The following MACO1 variants were observed in gnomAD, a reference collection of about 807,000 sequenced individuals.
MACO1 encodes macoilin.
A neutral mutation model predicts 78.7 loss-of-function variants in MACO1; 14 were observed. The ratio of observed to expected loss-of-function variants is 0.18; its 90% CI spans 0.12 to 0.28. MACO1 has a LOEUF of 0.28. MACO1 is among the 10% of genes least tolerant of loss of function. The pLI is 1.00. For synonymous variants in MACO1, 288 were observed against 291.6 expected (o/e 0.99, Z 0.12); for missense variants, 501 against 799.0 (o/e 0.63, Z 4.50).
intron 6 of MACO1, among the ~76,000 whole-genome samples, chr1:25,472,669 CG>C (rs1008974140): frequency 6.6e-6 from 1 of 152,102 alleles, no homozygotes; most frequent in Non-Finnish European, 1.5e-5. Context: ...GAGTAGTTTG[CG>C]GAAGAAAATC....
rs368507165 is a variant in MACO1, at chr1:25,445,226, T to C, written c.81-1536T>C. Among the ~76,000 whole-genome samples, 38 of 150,088 alleles carry C rather than the reference T, an allele frequency of 2.5e-4. No homozygotes were observed. The East Asian group carries it at 7.1e-3, about 28-fold the overall frequency. ...AGGTAGAAGGATCACTTGAGCCCAGTAGATTGAGGCTGCTGTGAGCTATGA... is the reference window on the plus strand; with the variant it reads ...AGGTAGAAGGATCACTTGAGCCCAGCAGATTGAGGCTGCTGTGAGCTATGA... On this transcript the variant is annotated intron_variant, in intron 1 of 10. Coordinates refer to ENST00000374343, the MANE Select transcript of MACO1 (RefSeq NM_018202.6).
intron 1 of MACO1, among the ~76,000 whole-genome samples, chr1:25,436,812 T>C (rs1207762290): frequency 1.3e-5 from 2 of 152,256 alleles, no homozygotes; most frequent in South Asian, 2.1e-4. Flanking sequence ...CCCTGGCCTT[T>C]GAAGACAGTC....
intron 4 of MACO1, among the ~76,000 whole-genome samples, chr1:25,454,842 A>C (rs919744721): frequency 1.3e-5 from 2 of 152,130 alleles, no homozygotes; most frequent in Admixed American, 6.6e-5. Flanking sequence ...GTTCAACTGT[A>C]AATTTATTCT....
At chr1:25,440,290 T>C (rs1326440659) in intron 1 of MACO1, among the ~76,000 whole-genome samples, 1 of 149,302 alleles carries the variant, frequency 6.7e-6, no homozygotes, top group Non-Finnish European at 1.5e-5. Flanking sequence ...TCCTAATTAC[T>C]CTGGAGGCTG....
Position 25,464,665 on chromosome 1 carries a change from C to G in MACO1, c.1154+5773C>G, listed in dbSNP as rs929241131. On this transcript the variant is annotated intron_variant, in intron 6 of 10. Coordinates refer to ENST00000374343, the MANE Select transcript of MACO1 (RefSeq NM_018202.6). ...CGTCTATAATTTCTTCCCCCACCCC[C>G]CCCCTCCGCGAAATGGAATCTTGCT... 1.2e-4 allele frequency among the ~76,000 whole-genome samples: 12 copies of G among 99,570 alleles called. 1 individual carries two copies. The highest frequency in any genetic ancestry group is 3.2e-4 in the Admixed American group (3 of 9,480). 65.3% of individuals were successfully genotyped at this position (99,570 alleles called of 152,430 possible).
intron 10 of MACO1, among the ~76,000 whole-genome samples, chr1:25,494,951 G>T (rs1041573796): frequency 4.6e-5 from 7 of 152,196 alleles, no homozygotes; most frequent in Non-Finnish European, 8.8e-5. Context: ...TTAGTGAAGC[G>T]CAGGAGTGGC....
chr1:25,491,416 C>G lies in MACO1; in HGVS notation c.1624C>G (p.Arg542Gly), dbSNP rs759726969. The G allele has an allele frequency of 3.1e-6, 5 of 1,614,080 alleles. No homozygotes were observed. Among genetic ancestry groups the G allele is most frequent in the Non-Finnish European group, 4.2e-6 (5 of 1,180,000 alleles). The change falls in exon 10 of 11, where the codon CGG (arginine) becomes GGG (glycine). Residue 542 changes from arginine to glycine, a missense_variant. By Grantham distance (125) the Arg-to-Gly change is moderately radical. This residue lies in a region of MACO1 where 163 missense variants were observed against 271.9 expected (regional missense o/e 0.60). Transcript: ENST00000374343. ...RELELKVQEL[R>G]KYKENEKDTE... The stretch of plus-strand genomic sequence containing the variant: ...GTTTTGATGATATTGATAGGAGCTT[C>G]GGAAATATAAGGAAAATGAGAAGGA...
chr1:25,439,015 T>C (rs2124569413), intron 1 of MACO1, among the ~76,000 whole-genome samples: 1 of 152,304 alleles, frequency 6.6e-6, no homozygotes, highest in South Asian at 2.1e-4. Flanking sequence ...ATTATATTTA[T>C]GAATTATATA....
At chr1:25,493,652 T>A (rs2043508679) in intron 10 of MACO1, among the ~76,000 whole-genome samples, 1 of 151,872 alleles carries the variant, frequency 6.6e-6, no homozygotes. Context: ...CAAAAAAAAA[T>A]TCCTGAAAAA....
At chr1:25,476,697 G>A (rs1410954389) in intron 6 of MACO1, among the ~76,000 whole-genome samples, 2 of 152,164 alleles carry the variant, frequency 1.3e-5, no homozygotes, top group Non-Finnish European at 2.9e-5. Context: ...GTCTTGTCTT[G>A]TATGATTAAT....
At chr1:25,450,529 G>A (rs1023232732) in intron 3 of MACO1, among the ~76,000 whole-genome samples, 2 of 152,156 alleles carry the variant, frequency 1.3e-5, no homozygotes, top group African/African-American at 4.8e-5. Flanking sequence ...ACCAGAGAGG[G>A]AGCACCAAAT....
intron 1 of MACO1, among the ~76,000 whole-genome samples, chr1:25,445,314 A>AT (rs1326807139): frequency 6.6e-6 from 1 of 151,770 alleles, no homozygotes. Flanking sequence ...AAAAAAAAAA[A>AT]GATTGCGTTC....
At chr1:25,496,760 G>C (rs1342907899) in intron 10 of MACO1, among the ~76,000 whole-genome samples, 1 of 151,946 alleles carries the variant, frequency 6.6e-6, no homozygotes, top group Admixed American at 6.5e-5. Context: ...CCAGCAGAGA[G>C]ACGATGGACA....
At chr1:25,447,707 C>A (rs1008932862) in intron 2 of MACO1, among the ~76,000 whole-genome samples, 2 of 152,144 alleles carry the variant, frequency 1.3e-5, no homozygotes, top group East Asian at 3.9e-4. Flanking sequence ...AGGCAGATAA[C>A]ATCTTAGTAT....
At chr1:25,449,072 A>T (rs1449866047) in intron 3 of MACO1, 138 bp downstream of exon 3, 4 of 645,324 alleles carry the variant, frequency 6.2e-6, no homozygotes. Context: ...AGGTTATAAT[A>T]TACCTTCAAA....
intron 1 of MACO1, among the ~76,000 whole-genome samples, chr1:25,433,506 G>A (rs2042893852): frequency 1.3e-5 from 2 of 151,892 alleles, no homozygotes; most frequent in Admixed American, 6.6e-5. Flanking sequence ...AGAGAGCCTT[G>A]TTTTTTTTCT....
At chr1:25,467,935 T>A (rs2043233702) in intron 6 of MACO1, among the ~76,000 whole-genome samples, 1 of 152,132 alleles carries the variant, frequency 6.6e-6, no homozygotes, top group African/African-American at 2.4e-5. Flanking sequence ...TGTTACACCA[T>A]AGTACTTTAA....
intron 3 of MACO1, among the ~76,000 whole-genome samples, chr1:25,451,950 GA>G (rs979858786): frequency 1.6e-4 from 23 of 142,346 alleles, no homozygotes; most frequent in East Asian, 8.1e-4. Context: ...AAAGAAAAAA[GA>G]AAAAAAAAAG....
chr1:25,439,121 C>A (rs892748908), intron 1 of MACO1, among the ~76,000 whole-genome samples: 2 of 151,926 alleles, frequency 1.3e-5, no homozygotes, highest in Non-Finnish European at 2.9e-5. Flanking sequence ...TTTTTAACTT[C>A]TCATTTTGAA....
Sources: gnomAD v4.1 joint callset for allele counts (sites outside exome capture counted in the v4.1 genomes callset) on GRCh38, gnomAD v4.1.1 for gene constraint, gnomAD v4.1.1 regional missense constraint, MANE v1.5 for transcripts, NCBI Gene and HGNC (gene_info 2026-07-23, HGNC 2026-07-21) for gene names.